Variants in FLT4 observed in about 807,000 individuals in gnomAD.
The protein encoded by FLT4 is vascular endothelial growth factor receptor 3.
A neutral mutation model predicts 163.2 loss-of-function variants in FLT4; 30 were observed. The ratio of observed to expected loss-of-function variants is 0.18; its 90% CI spans 0.14 to 0.25. The LOEUF is 0.25. Ranked by LOEUF, FLT4 falls within the 10% of genes least tolerant of loss-of-function variation. The pLI is 1.00. For missense variants in FLT4, 1,510 were observed against 1,863.8 expected, an observed-to-expected ratio of 0.81 and a Z score of 3.50; for synonymous variants, 884 against 789.5, an observed-to-expected ratio of 1.12 and a Z score of -2.01.
At chr5:180,637,194 G>A (rs964790418) in intron 1 of FLT4, among the ~76,000 whole-genome samples, 1 of 152,062 alleles carries the variant, frequency 6.6e-6, no homozygotes, top group Admixed American at 6.6e-5. Context: ...GCCGGGCACG[G>A]TGGTGGGTGC....
At chr5:180,616,531 C>G (rs905457332) in intron 22 of FLT4, 42 bp from the exon 23 acceptor site, 1 of 1,611,246 alleles carries the variant, frequency 6.2e-7, no homozygotes, top group Non-Finnish European at 8.5e-7. Context: ...CAGTGCAGGC[C>G]CCTGGGGTAA....
At chr5:180,640,881 A>G (rs1258988898) in intron 1 of FLT4, among the ~76,000 whole-genome samples, 3 of 152,170 alleles carry the variant, frequency 2.0e-5, no homozygotes, top group South Asian at 4.2e-4. Flanking sequence ...GGCCCTCTCT[A>G]CGGGGCAGTG....
intron 27 of FLT4, 63 bp downstream of exon 27, chr5:180,611,268 T>C: frequency 6.3e-7 from 1 of 1,588,756 alleles, no homozygotes. Flanking sequence ...CGCAGAGGGA[T>C]AAAATGCACC....
rs1192081897 is a variant in FLT4 at position 180,620,286 on chromosome 5, G to A, written c.2429C>T (p.Thr810Met). ...GTCCATGATGATGGACAGGTAGCCC[G>A]TCTTGATGTCTGCGTGGGCCGGCTG... ...MRRPAHADIK[T>M]GYLSIIMDPG... Residue 810 changes from threonine to methionine, a missense_variant, in exon 17 of 30, where the codon ACG becomes ATG. By Grantham distance (81) the Thr-to-Met change is moderately conservative. Coordinates refer to ENST00000261937, the MANE Select transcript of FLT4 (RefSeq NM_182925.5). This position sits in a 1 kb window ranked among gnomAD's most constrained non-coding sequence, Gnocchi z 4.4. The A allele has an allele frequency of 4.3e-6, 7 of 1,611,998 alleles. No individual in the cohort carries two copies. The highest frequency in any genetic ancestry group is 5.9e-6 in the Non-Finnish European group (7 of 1,179,990).
chr5:180,611,650 G>GCCCTC, intron 26 of FLT4, 171 bp from the exon 27 acceptor site: 1 of 722,924 alleles, frequency 1.4e-6, no homozygotes, highest in South Asian at 1.7e-5. Context: ...CCCTCGCTCT[G>GCCCTC]CCCTCGGGAC....
At chr5:180,612,769 C>G (rs776961304) in intron 25 of FLT4, among the ~76,000 whole-genome samples, 158 bp from the exon 26 acceptor site, 3 of 152,062 alleles carry the variant, frequency 2.0e-5, no homozygotes, top group Non-Finnish European at 4.4e-5. Context: ...CAAGTGTTAG[C>G]CCAGCGTCCC....
In FLT4 at chr5:180,628,980, G is replaced by A. The variant is rs1763868512; in HGVS notation, c.1005C>T (p.Val335=). The A allele has an allele frequency of 3.1e-6, 5 of 1,612,452 alleles. No homozygotes were observed. The highest frequency in any genetic ancestry group is 1.6e-4 in the Middle Eastern group (1 of 6,062). The change falls in exon 8 of 30, where the codon GTC becomes GTT. Residue 335 remains valine (V), a synonymous_variant. Coordinates refer to ENST00000261937, the MANE Select transcript of FLT4 (RefSeq NM_182925.5). Reference sequence around the variant, plus strand: ...CCAGGATGGGTCCTTTGAGCCACTCGACGCTGATGAAGGGATTTTCTGCCG... The same window carrying A: ...CCAGGATGGGTCCTTTGAGCCACTCAACGCTGATGAAGGGATTTTCTGCCG... ...VIVHENPFIS[V]EWLKGPILEA...
At chr5:180,612,875 C>G (rs1762322064) in intron 25 of FLT4, 136 bp downstream of exon 25, 2 of 715,472 alleles carry the variant, frequency 2.8e-6, no homozygotes, top group East Asian at 5.0e-5. Context: ...CTACAGACTA[C>G]CCGTGTATCT....
At chr5:180,644,337 G>A (rs865803618) in intron 1 of FLT4, among the ~76,000 whole-genome samples, 6 of 152,230 alleles carry the variant, frequency 3.9e-5, no homozygotes, top group African/African-American at 4.8e-5. Flanking sequence ...CACGCCGGGC[G>A]TGTGGTGGAC....
chr5:180,603,152 G>T lies in FLT4; in HGVS notation c.*40C>A. On this transcript the variant is annotated 3_prime_UTR_variant, in exon 30 of 30. Coordinates refer to ENST00000261937, the MANE Select transcript of FLT4 (RefSeq NM_182925.5). ...TCCAGCCCTCTGCCCGCCCTGCCGG[G>T]CCTGAACCCCCAAGTGCTGGGGGTC... 1 of 1,604,220 alleles carries T rather than the reference G, an allele frequency of 6.2e-7. No homozygotes were observed. The highest frequency in any genetic ancestry group is 8.5e-7 in the Non-Finnish European group (1 of 1,172,282).
chr5:180,629,587 C>A, intron 6 of FLT4, 109 bp downstream of exon 6: 1 of 1,487,476 alleles, frequency 6.7e-7, no homozygotes, highest in Admixed American at 1.9e-5. Context: ...GACCGGGGCC[C>A]CTGGGGCAGG....
chr5:180,608,233 C>G, intron 29 of FLT4: 1 of 700,788 alleles, frequency 1.4e-6, no homozygotes, highest in Non-Finnish European at 2.6e-6. Context: ...CTTATAAGTG[C>G]AGAGAAGAAA....
At chr5:180,629,658 CT>C (rs1455198578) in intron 6 of FLT4, 37 bp downstream of exon 6, 6 of 1,604,436 alleles carry the variant, frequency 3.7e-6, no homozygotes, top group Non-Finnish European at 5.1e-6. Context: ...ACAGGGACTC[CT>C]GGGGACAGGA....
chr5:180,644,204 C>T (rs1050319800), intron 1 of FLT4, among the ~76,000 whole-genome samples: 2 of 152,204 alleles, frequency 1.3e-5, no homozygotes, highest in African/African-American at 4.8e-5. Flanking sequence ...CAGCAATTTA[C>T]CCATGGCTGG....
intron 23 of FLT4, 100 bp downstream of exon 23, chr5:180,616,267 C>T (rs1762680601): frequency 9.1e-6 from 14 of 1,541,062 alleles, no homozygotes; most frequent in Non-Finnish European, 1.3e-5. Context: ...GAGCTCACCT[C>T]ACCCTGTGCC....
intron 10 of FLT4, among the ~76,000 whole-genome samples, chr5:180,625,346 C>A (rs1034342766): frequency 3.3e-5 from 5 of 152,202 alleles, no homozygotes; most frequent in Non-Finnish European, 7.3e-5. Context: ...TTGCTTACAG[C>A]TGTGCCCCTG....
chr5:180,626,386 A>G (rs2127828629), intron 8 of FLT4, 121 bp from the exon 9 acceptor site: 1 of 1,076,716 alleles, frequency 9.3e-7, no homozygotes, highest in South Asian at 1.3e-5. Context: ...GCAGGGTAGG[A>G]CGGGGAACAC....
At position 180,620,884 on chromosome 5, in the gene FLT4, G is replaced by C. The variant is rs2127813203; in HGVS notation, c.2291C>G (p.Ala764Gly). 1 of 1,609,692 alleles carries C rather than the reference G, an allele frequency of 6.2e-7. No individual in the cohort carries two copies. The highest frequency in any genetic ancestry group is 8.5e-7 in the Non-Finnish European group (1 of 1,178,626). The change falls in exon 15 of 30, where the codon GCC becomes GGC. Residue 764 changes from alanine to glycine, a missense_variant. Coordinates refer to ENST00000261937, the MANE Select transcript of FLT4 (RefSeq NM_182925.5). The surrounding 1 kb of genome is among the most constrained non-coding windows in gnomAD (Gnocchi z 4.4). ...GCAGCCTGAGGCCAGACCTTCCACG[G>C]CCACGCTGGCGGAGGAGTTGACGCA... ...KGCVNSSASV[A>G]VEGSEDKGSM...
intron 7 of FLT4, 120 bp downstream of exon 7, chr5:180,629,139 G>A: frequency 1.4e-6 from 2 of 1,446,194 alleles, no homozygotes; most frequent in South Asian, 1.1e-5. Flanking sequence ...GCAGGAGCTG[G>A]GCAGCTCCTC....
Sources: gnomAD v4.1 joint callset for allele counts (sites outside exome capture counted in the v4.1 genomes callset) on GRCh38, gnomAD v4.1.1 for gene constraint, Gnocchi (gnomAD v3.1) non-coding constraint, MANE v1.5 for transcripts, NCBI Gene and HGNC (gene_info 2026-07-23, HGNC 2026-07-21) for gene names.